SLITRK2: variants seen among roughly 807,000 people sequenced by gnomAD.
The protein encoded by SLITRK2 is SLIT and NTRK-like protein 2.
Under a neutral mutation model 35.4 loss-of-function variants are expected in SLITRK2, and 13 were observed. The ratio of observed to expected loss-of-function variants is 0.37; its 90% CI spans 0.24 to 0.58. The LOEUF (loss-of-function observed/expected upper bound fraction) is 0.58, where lower values mean the gene tolerates loss of function less well. SLITRK2 is among the 20% of genes least tolerant of loss of function. SLITRK2 has a pLI of 0.75. For synonymous variants in SLITRK2, 294 were observed against 264.7 expected, an observed-to-expected ratio of 1.11 and a Z score of -1.07; for missense variants, 471 against 634.3, an observed-to-expected ratio of 0.74 and a Z score of 2.76.
At chrX:145,819,703 GCAATA>G (rs1189519517) in intron 1 of SLITRK2, 1 of 111,990 alleles carries the variant, frequency 8.9e-6, no homozygotes, top group Non-Finnish European at 1.9e-5. Context: ...TGATGCAATT[GCAATA>G]CAGGGTGGGA....
At position 145,825,169 on chromosome X, in the gene SLITRK2, C is replaced by CTTT. The variant is rs5904151; in HGVS notation, c.*226_*228dup. On this transcript the variant is annotated 3_prime_UTR_variant, in exon 5 of 5. Transcript: ENST00000335565. The stretch of plus-strand genomic sequence containing the variant: ...ATTTCTCTCTCGCTCTCCTCCCCTC[C>CTTT]TTTTTTTTTTTTTTTTTTTTTTCTT... 9.4e-4 allele frequency: 206 copies of CTTT among 218,464 alleles called. 6 individuals are homozygous for CTTT. Among genetic ancestry groups the CTTT allele is most frequent in the African/African-American group, 3.8e-3 (81 of 21,043 alleles). The allele number at this position is 218,464 out of a possible 1,213,427, so 18.0% of individuals were successfully genotyped here. A position where few individuals can be genotyped will look rare whatever the true frequency, so the allele number is the denominator to read the frequency against.
chrX:145,822,767 A>C lies in SLITRK2; in HGVS notation c.342A>C (p.Arg114Ser). Residue 114 changes from arginine (R) to serine (S), a missense_variant, in exon 5 of 5, where the codon AGA (arginine) becomes AGC (serine). By Grantham distance (110) the Arg-to-Ser change is moderately radical (BLOSUM62 -1). Transcript: ENST00000335565. The part of the protein sequence containing the change: ...GAFSGLKTLK[R>S]LHLNNNKLEI... Reference sequence around the variant, plus strand: ...TCAGTGGCCTGAAAACTCTCAAAAGACTGCATCTCAACAACAACAAGCTTG... The same window carrying C: ...TCAGTGGCCTGAAAACTCTCAAAAGCCTGCATCTCAACAACAACAAGCTTG... The C allele has an allele frequency of 8.3e-7, 1 of 1,211,017 alleles. No individual in the cohort carries two copies. The highest frequency in any genetic ancestry group is 1.8e-5 in the South Asian group (1 of 56,865).
At chrX:145,820,385 A>T (rs1556942734) in intron 1 of SLITRK2, 89 bp from the exon 2 acceptor site, 1 of 112,652 alleles carries the variant, frequency 8.9e-6, no homozygotes, top group Non-Finnish European at 1.9e-5. Context: ...ACACCTGGCC[A>T]TTAGCAATGC....
At position 145,824,365 on chromosome X, in the gene SLITRK2, G is replaced by A. The variant is rs147278885; in HGVS notation, c.1940G>A (p.Arg647Gln). 1.3e-5 allele frequency: 16 copies of A among 1,208,918 alleles called. No homozygotes were observed. Among genetic ancestry groups the A allele is most frequent in the Admixed American group, 2.2e-5 (1 of 45,591 alleles). The change falls in exon 5 of 5, where the codon CGA becomes CAA. Residue 647 changes from arginine (R) to glutamine (Q), a missense_variant. Physicochemically the swap from Arg to Gln is conservative, Grantham distance 43. Coordinates refer to ENST00000335565, the MANE Select transcript of SLITRK2 (RefSeq NM_032539.5). The part of the protein sequence containing the change: ...AGLFVFVLKR[R>Q]KGVPSVPRNT... ...TTATTCGTCTTTGTCTTGAAACGCCGAAAGGGAGTGCCGAGCGTTCCCAGG... is the reference window on the plus strand; with the variant it reads ...TTATTCGTCTTTGTCTTGAAACGCCAAAAGGGAGTGCCGAGCGTTCCCAGG...
At position 145,824,774 on chromosome X, in the gene SLITRK2, G is replaced by A; in HGVS notation, c.2349G>A (p.Gln783=). ...ACTTTTGTACCTTACCTAAAAGGCA[G>A]TTTGCCCCTTCCTATGAATCTCGAC... ...HYNFCTLPKR[Q]FAPSYESRRQ... is the part of the protein sequence containing the mutation. Residue 783 remains glutamine (Q), a synonymous_variant, in exon 5 of 5, where the codon CAG becomes CAA. Coordinates refer to ENST00000335565, the MANE Select transcript of SLITRK2 (RefSeq NM_032539.5). The A allele has an allele frequency of 1.7e-6, 2 of 1,211,442 alleles. No individual in the cohort carries two copies. The highest frequency in any genetic ancestry group is 2.2e-6 in the Non-Finnish European group (2 of 895,437).
In SLITRK2 at chrX:145,826,518, A is replaced by G. The variant is rs990619702; in HGVS notation, c.*1555A>G. 1 of 112,207 alleles carries G rather than the reference A, an allele frequency of 8.9e-6. No individual in the cohort carries two copies. The highest frequency in any genetic ancestry group is 2.8e-4 in the East Asian group (1 of 3,585). The allele number at this position is 112,207 out of a possible 1,213,427, so 9.2% of individuals were successfully genotyped here. A position where few individuals can be genotyped will look rare whatever the true frequency, so the allele number is the denominator to read the frequency against. On this transcript the variant is annotated 3_prime_UTR_variant, in exon 5 of 5. Transcript: ENST00000335565. ...AATTAGCCAAGTCTATATAACATTT[A>G]TGAAGCCTTATTAGACTGTAAATAA...
Position 145,829,064 on chromosome X carries a change from A to G in SLITRK2, c.*4101A>G, listed in dbSNP as rs1466680455. ...TTTCTATTTCAGTGGCTTAAATTATAACGTTTTGGCTTAAGTGTCTTTTAT... is the reference window on the plus strand; with the variant it reads ...TTTCTATTTCAGTGGCTTAAATTATGACGTTTTGGCTTAAGTGTCTTTTAT... On this transcript the variant is annotated 3_prime_UTR_variant, in exon 5 of 5. Transcript: ENST00000335565. The G allele has an allele frequency of 1.6e-5, 2 of 123,406 alleles. No homozygotes were observed. The highest frequency in any genetic ancestry group is 3.8e-5 in the Non-Finnish European group (2 of 53,281). 10.2% of individuals were successfully genotyped at this position (123,406 alleles called of 1,213,427 possible).
chrX:145,827,807 G>T lies in SLITRK2; in HGVS notation c.*2844G>T, dbSNP rs1556946161. 3 of 1,211,284 alleles carry T rather than the reference G, an allele frequency of 2.5e-6. No homozygotes were observed. Among genetic ancestry groups the T allele is most frequent in the East Asian group, 3.0e-5 (1 of 33,824 alleles). Reference sequence around the variant, plus strand: ...ATCCCCACTGACTATATTCTGTTTTGCTTTATCTGCTCAAGCACTTTCGAC... The same window carrying T: ...ATCCCCACTGACTATATTCTGTTTTTCTTTATCTGCTCAAGCACTTTCGAC... On this transcript the variant is annotated 3_prime_UTR_variant, in exon 5 of 5. Coordinates refer to ENST00000335565, the MANE Select transcript of SLITRK2 (RefSeq NM_032539.5).
rs2124173404 is a variant in SLITRK2 at position 145,823,390 on chromosome X, A to T, written c.965A>T (p.Gln322Leu). The T allele has an allele frequency of 8.3e-7, 1 of 1,211,895 alleles. No individual in the cohort carries two copies. Among genetic ancestry groups the T allele is most frequent in the Non-Finnish European group, 1.1e-6 (1 of 895,521 alleles). Residue 322 changes from glutamine to leucine, a missense_variant, in exon 5 of 5, where the codon CAA (glutamine) becomes CTA (leucine). This residue lies in a region of SLITRK2 where 56 missense variants were observed against 48.7 expected (regional missense o/e 1.15). Transcript: ENST00000335565. ...TPRVTVSKDR[Q>L]SFGPIMVYQT... ...CGAGTGACTGTGTCAAAGGACAGGCAAAGTTTTGGACCCATCATGGTGTAC... is the reference window on the plus strand; with the variant it reads ...CGAGTGACTGTGTCAAAGGACAGGCTAAGTTTTGGACCCATCATGGTGTAC...
rs200374760 is a variant in SLITRK2 at position 145,824,456 on chromosome X, C to A, written c.2031C>A (p.His677Gln). 5.8e-6 allele frequency: 7 copies of A among 1,209,215 alleles called. No individual in the cohort carries two copies. The South Asian group carries it at 7.1e-5, about 12-fold the overall frequency. The change falls in exon 5 of 5, where the codon CAC (histidine) becomes CAA (glutamine). Residue 677 changes from histidine to glutamine, a missense_variant. Physicochemically the swap from His to Gln is conservative, Grantham distance 24. Coordinates refer to ENST00000335565, the MANE Select transcript of SLITRK2 (RefSeq NM_032539.5). ...ATGGGTCTTACAACACTGAGACTCA[C>A]GATAAAACAGACGGCCATGTCTACA... Reference protein sequence around the residue: ...LQYGSYNTETHDKTDGHVYNY... With the variant: ...LQYGSYNTETQDKTDGHVYNY...
rs1193846473 is a variant in SLITRK2 at position 145,828,545 on chromosome X, A to G, written c.*3582A>G. 3 of 122,740 alleles carry G rather than the reference A, an allele frequency of 2.4e-5. No homozygotes were observed. Among genetic ancestry groups the G allele is most frequent in the Non-Finnish European group, 5.6e-5 (3 of 53,382 alleles). 10.1% of individuals were successfully genotyped at this position (122,740 alleles called of 1,213,427 possible). The stretch of plus-strand genomic sequence containing the variant: ...GGCTATGTCCTGAGACATACAGTGG[A>G]CAGGGTCTCTACCCTCCTCACAACA... On this transcript the variant is annotated 3_prime_UTR_variant, in exon 5 of 5. Coordinates refer to ENST00000335565, the MANE Select transcript of SLITRK2 (RefSeq NM_032539.5).
At position 145,822,149 on chromosome X, in the gene SLITRK2, A is replaced by T. The variant is rs782226564; in HGVS notation, c.-48A>T. On this transcript the variant is annotated 5_prime_UTR_variant, in exon 4 of 5. Coordinates refer to ENST00000335565, the MANE Select transcript of SLITRK2 (RefSeq NM_032539.5). ...GCGGCTGGCTGCGACCCCCCGGGAAATCAGGTGCAAGCATGTGTGTTCCCG... is the reference window on the plus strand; with the variant it reads ...GCGGCTGGCTGCGACCCCCCGGGAATTCAGGTGCAAGCATGTGTGTTCCCG... 4.9e-5 allele frequency: 15 copies of T among 306,991 alleles called. No individual in the cohort carries two copies. 25.3% of individuals were successfully genotyped at this position (306,991 alleles called of 1,213,427 possible).
At position 145,825,013 on chromosome X, in the gene SLITRK2, G is replaced by A. The variant is rs2124218932; in HGVS notation, c.*50G>A. 1 of 1,138,471 alleles carries A rather than the reference G, an allele frequency of 8.8e-7. No individual in the cohort carries two copies. 93.8% of individuals were successfully genotyped at this position (1,138,471 alleles called of 1,213,427 possible). ...GCATCAGAGGATGCTGCTCCGAACT[G>A]TTGGAAACAAGGACATTAGCTTTTG... On this transcript the variant is annotated 3_prime_UTR_variant, in exon 5 of 5. Coordinates refer to ENST00000335565, the MANE Select transcript of SLITRK2 (RefSeq NM_032539.5).
rs1556946210 is a variant in SLITRK2 at position 145,828,023 on chromosome X, A to G, written c.*3060A>G. On this transcript the variant is annotated 3_prime_UTR_variant, in exon 5 of 5. Transcript: ENST00000335565. ...CTGGCCCTACAAATGACAAATGGTA[A>G]TTCCCTTCTATTTTAGCTCTTAATT... 21 of 1,136,415 alleles carry G rather than the reference A, an allele frequency of 1.8e-5. No individual in the cohort carries two copies. Among genetic ancestry groups the G allele is most frequent in the Non-Finnish European group, 2.2e-5 (19 of 857,335 alleles). The allele number at this position is 1,136,415 out of a possible 1,213,427, so 93.7% of individuals were successfully genotyped here. A position where few individuals can be genotyped will look rare whatever the true frequency, so the allele number is the denominator to read the frequency against.
At position 145,822,499 on chromosome X, in the gene SLITRK2, C is replaced by T. The variant is rs2073039955; in HGVS notation, c.74C>T (p.Ala25Val). 1 of 1,210,656 alleles carries T rather than the reference C, an allele frequency of 8.3e-7. No homozygotes were observed. Among genetic ancestry groups the T allele is most frequent in the East Asian group, 3.0e-5 (1 of 33,798 alleles). The change falls in exon 5 of 5, where the codon GCC (alanine) becomes GTC (valine). Residue 25 changes from alanine (A) to valine (V), a missense_variant. Ala to Val is a moderately conservative substitution (Grantham distance 64, BLOSUM62 0). Transcript: ENST00000335565. Reference sequence around the variant, plus strand: ...TTACAGACAGAGAGTCGCAAAACTGCCAAAGACATTTGCAAGATCCGCTGT... The same window carrying T: ...TTACAGACAGAGAGTCGCAAAACTGTCAAAGACATTTGCAAGATCCGCTGT... ...GILQTESRKT[A>V]KDICKIRCLC...
rs1272705985 is a variant in SLITRK2 at position 145,817,867 on chromosome X, T to A, written c.-952T>A. 9.4e-6 allele frequency: 1 copy of A among 106,591 alleles called. No homozygotes were observed. The highest frequency in any genetic ancestry group is 1.9e-5 in the Non-Finnish European group (1 of 51,627). The allele number at this position is 106,591 out of a possible 1,213,427, so 8.8% of individuals were successfully genotyped here. A position where few individuals can be genotyped will look rare whatever the true frequency, so the allele number is the denominator to read the frequency against. ...GAAGCGTTGCCCGTTGGCTAGCTGC[T>A]CGGTGGGGATCTGCCTGCCCTGGGG... On this transcript the variant is annotated 5_prime_UTR_variant, in exon 1 of 5. Coordinates refer to ENST00000335565, the MANE Select transcript of SLITRK2 (RefSeq NM_032539.5).
rs375965137 is a variant in SLITRK2 at position 145,824,318 on chromosome X, A to T, written c.1893A>T (p.Leu631Phe). The change falls in exon 5 of 5, where the codon TTA (leucine) becomes TTT (phenylalanine). Residue 631 changes from leucine to phenylalanine, a missense_variant. Around this residue, in one of 7 missense-constraint regions of SLITRK2, gnomAD observed 190 missense variants for 199.3 expected, o/e 0.95. Coordinates refer to ENST00000335565, the MANE Select transcript of SLITRK2 (RefSeq NM_032539.5). Reference sequence around the variant, plus strand: ...TGGGATTGCTTGTTGTTTTCATCTTATCTGTCTGTTTTGGGGCTGGTTTAT... The same window carrying T: ...TGGGATTGCTTGTTGTTTTCATCTTTTCTGTCTGTTTTGGGGCTGGTTTAT... ...LILGLLVVFI[L>F]SVCFGAGLFV... is the part of the protein sequence containing the mutation. 2.3e-5 allele frequency: 28 copies of T among 1,209,253 alleles called. No homozygotes were observed. The highest frequency in any genetic ancestry group is 3.0e-5 in the Non-Finnish European group (27 of 895,066).
chrX:145,828,827 GATAAA>G lies in SLITRK2; in HGVS notation c.*3871_*3875del, dbSNP rs1412520271. The G allele has an allele frequency of 8.1e-6, 1 of 122,728 alleles. No individual in the cohort carries two copies. Among genetic ancestry groups the G allele is most frequent in the African/African-American group, 3.3e-5 (1 of 30,660 alleles). The allele number at this position is 122,728 out of a possible 1,213,427, so 10.1% of individuals were successfully genotyped here. On this transcript the variant is annotated 3_prime_UTR_variant, in exon 5 of 5. Transcript: ENST00000335565. ...AAAAGGAAAAAAAACACCAAAATAAGATAAAATAAAACAAATTTAAACACCAAAAT... is the reference window on the plus strand; with the variant it reads ...AAAAGGAAAAAAAACACCAAAATAAGATAAAACAAATTTAAACACCAAAAT...
chrX:145,820,220 C>T (rs1445624542), intron 1 of SLITRK2: 3 of 112,089 alleles, frequency 2.7e-5, no homozygotes, highest in Admixed American at 1.9e-4. Context: ...TTTTCCTGAC[C>T]CATCTCCCCC....
Sources: allele counts gnomAD v4.1 joint callset, GRCh38; gene constraint gnomAD v4.1.1; regional missense constraint gnomAD v4.1.1; transcripts MANE v1.5; gene names NCBI Gene and HGNC (gene_info 2026-07-23, HGNC 2026-07-21).